Variants in FAM193A observed in about 807,000 individuals in gnomAD.
The protein encoded by FAM193A is family with sequence similarity 193 member A.
A neutral mutation model predicts 126.5 loss-of-function variants in FAM193A; 22 were observed. That is an observed-to-expected ratio of 0.17 (90% CI 0.12 to 0.25). FAM193A has a LOEUF of 0.25. FAM193A is among the 10% of genes least tolerant of loss of function. The pLI is 1.00. For synonymous variants in FAM193A, 761 were observed against 646.8 expected, an observed-to-expected ratio of 1.18 and a Z score of -2.68; for missense variants, 1,675 against 1,672.8, an observed-to-expected ratio of 1.00 and a Z score of -0.02.
At chr4:2,656,680 A>G (rs1198452669) in intron 7 of FAM193A, among the ~76,000 whole-genome samples, 2 of 152,224 alleles carry the variant, frequency 1.3e-5, no homozygotes, top group East Asian at 3.8e-4. Flanking sequence ...AACAGTCTTC[A>G]CAGGGCCACC....
rs573721246 is a variant in FAM193A at position 2,610,032 on chromosome 4, G to C, written c.501+13703G>C. On this transcript the variant is annotated intron_variant, in intron 2 of 20. Transcript: ENST00000637812. Reference sequence around the variant, plus strand: ...GGGTCACCTGAGGTCAGGAGATTGAGACCAGCCTGGCCAACATGATGAAAC... The same window carrying C: ...GGGTCACCTGAGGTCAGGAGATTGACACCAGCCTGGCCAACATGATGAAAC... 2.6e-5 allele frequency among the ~76,000 whole-genome samples: 4 copies of C among 151,908 alleles called. No individual in the cohort carries two copies. In the South Asian group the frequency reaches 8.3e-4, roughly 31 times the overall value.
intron 19 of FAM193A, among the ~76,000 whole-genome samples, chr4:2,713,294 T>C (rs993342147): frequency 2.0e-4 from 30 of 150,742 alleles, no homozygotes; most frequent in Non-Finnish European, 4.1e-4. Context: ...TAGTCCCAGC[T>C]ACTCGGGAGG....
intron 1 of FAM193A, among the ~76,000 whole-genome samples, chr4:2,577,910 G>A (rs1052863472): frequency 2.6e-5 from 4 of 151,992 alleles, no homozygotes; most frequent in South Asian, 2.1e-4. Context: ...CTGTATAATC[G>A]TTTTCAGTTT....
intron 1 of FAM193A, among the ~76,000 whole-genome samples, chr4:2,538,743 C>G (rs1158682650): frequency 6.6e-6 from 1 of 151,920 alleles, no homozygotes; most frequent in African/African-American, 2.4e-5. Flanking sequence ...TTTGGTGTAG[C>G]TGGATGTGGA....
intron 13 of FAM193A, 25 bp downstream of exon 13, chr4:2,672,397 A>T (rs1203123839): frequency 1.2e-6 from 2 of 1,612,196 alleles, no homozygotes; most frequent in Non-Finnish European, 1.7e-6. Context: ...AAAGGGTCTG[A>T]AAGCTCACTC....
intron 2 of FAM193A, among the ~76,000 whole-genome samples, chr4:2,604,476 T>C (rs2108927589): frequency 6.6e-6 from 1 of 152,264 alleles, no homozygotes; most frequent in African/African-American, 2.4e-5. Context: ...CCTTAAAAAG[T>C]TTGTTTTGCT....
chr4:2,621,264 G>C (rs1164183459), intron 2 of FAM193A, among the ~76,000 whole-genome samples: 2 of 152,144 alleles, frequency 1.3e-5, no homozygotes, highest in African/African-American at 2.4e-5. Flanking sequence ...ATGTTTACAG[G>C]GTGCAGCTCC....
intron 1 of FAM193A, among the ~76,000 whole-genome samples, chr4:2,577,157 T>C (rs1739633370): frequency 9.6e-6 from 1 of 104,166 alleles, no homozygotes; most frequent in Non-Finnish European, 2.2e-5. Context: ...TTATTACTAC[T>C]TTTTTTCTTT....
chr4:2,680,298 G>A (rs1308072141), intron 13 of FAM193A, among the ~76,000 whole-genome samples: 1 of 152,090 alleles, frequency 6.6e-6, no homozygotes, highest in East Asian at 1.9e-4. Context: ...TTTATCCAGT[G>A]TGTTGGTGTA....
chr4:2,674,095 CA>C (rs1219006992), intron 13 of FAM193A, among the ~76,000 whole-genome samples: 1 of 152,190 alleles, frequency 6.6e-6, no homozygotes, highest in African/African-American at 2.4e-5. Flanking sequence ...ACCACTTCAG[CA>C]AACTGAAGAC....
At chr4:2,707,382 A>G (rs139718581) in intron 19 of FAM193A, among the ~76,000 whole-genome samples, 107 of 152,226 alleles carry the variant, frequency 7.0e-4, no homozygotes, top group African/African-American at 2.6e-3. Flanking sequence ...CTTCTCCACC[A>G]TTATATTTTA....
At chr4:2,700,914 AAGAT>A (rs1717650568) in intron 19 of FAM193A, among the ~76,000 whole-genome samples, 1 of 152,126 alleles carries the variant, frequency 6.6e-6, no homozygotes, top group Non-Finnish European at 1.5e-5. Flanking sequence ...GCAGTGAGCC[AAGAT>A]CATGCCGTTG....
At chr4:2,707,714 T>C (rs1718461906) in intron 19 of FAM193A, among the ~76,000 whole-genome samples, 1 of 74,022 alleles carries the variant, frequency 1.4e-5, no homozygotes, top group African/African-American at 4.6e-5. Flanking sequence ...ATATTTCTTA[T>C]TTTTTTTTTT....
At chr4:2,581,464 A>T (rs1200861956) in intron 1 of FAM193A, among the ~76,000 whole-genome samples, 2 of 151,812 alleles carry the variant, frequency 1.3e-5, no homozygotes, top group East Asian at 3.9e-4. Flanking sequence ...CATGTTGCCC[A>T]GGCTGATCTC....
intron 3 of FAM193A, among the ~76,000 whole-genome samples, chr4:2,625,870 C>T (rs183653898): frequency 2.2e-4 from 33 of 152,072 alleles, no homozygotes; most frequent in African/African-American, 6.7e-4. Context: ...ACTACAGGCG[C>T]GCACCACCAT....
intron 1 of FAM193A, among the ~76,000 whole-genome samples, chr4:2,542,300 C>A (rs984514060): frequency 7.9e-5 from 12 of 151,628 alleles, no homozygotes; most frequent in African/African-American, 2.9e-4. Flanking sequence ...CAACCACGCC[C>A]GGCCATTTTT....
chr4:2,724,233 C>T lies in FAM193A; in HGVS notation c.4455-7542C>T, dbSNP rs114873893. ...GATTTCCATAAATCTTTTATAACCTCTTAGAATTTTCCCATTCACTTCCTT... is the reference window on the plus strand; with the variant it reads ...GATTTCCATAAATCTTTTATAACCTTTTAGAATTTTCCCATTCACTTCCTT... On this transcript the variant is annotated intron_variant, in intron 20 of 20. Coordinates refer to ENST00000637812, the MANE Select transcript of FAM193A (RefSeq NM_001366318.2). Among the ~76,000 whole-genome samples, 688 of 152,248 alleles carry T rather than the reference C, an allele frequency of 4.5e-3. 3 individuals carry two copies. The highest frequency in any genetic ancestry group is 7.9e-3 in the Non-Finnish European group (539 of 68,020).
intron 13 of FAM193A, among the ~76,000 whole-genome samples, chr4:2,681,645 T>A (rs1430841831): frequency 6.6e-6 from 1 of 151,962 alleles, no homozygotes; most frequent in Middle Eastern, 3.2e-3. Context: ...TTTATTTACG[T>A]AGGGACGGAG....
intron 2 of FAM193A, among the ~76,000 whole-genome samples, chr4:2,616,096 G>A (rs979429225): frequency 2.0e-5 from 3 of 152,304 alleles, no homozygotes; most frequent in Middle Eastern, 3.4e-3. Context: ...CACCGCGCCC[G>A]GCCGAAACTT....
Sources: allele counts gnomAD v4.1 joint callset (sites outside exome capture counted in the v4.1 genomes callset), GRCh38; gene constraint gnomAD v4.1.1; transcripts MANE v1.5; gene names NCBI Gene and HGNC (gene_info 2026-07-23, HGNC 2026-07-21).